Variants in DOK3 observed in about 807,000 individuals in gnomAD.
DOK3 encodes docking protein 3, also known as Dok-like protein.
Under a neutral mutation model 26.2 loss-of-function variants are expected in DOK3, and 23 were observed. That is an observed-to-expected ratio of 0.88 (90% CI 0.63 to 1.24). The LOEUF (loss-of-function observed/expected upper bound fraction) is 1.24. Among genes scored for constraint, DOK3 ranks in the 50% most tolerant of loss-of-function variants. The pLI, the probability that DOK3 is intolerant of heterozygous loss-of-function variation, is 0.00. For missense variants in DOK3, 619 were observed against 610.6 expected (o/e 1.01, Z -0.15); for synonymous variants, 268 against 268.2 (o/e 1.00, Z 0.01).
Position 177,508,380 on chromosome 5 carries a change from A to G in DOK3, c.229T>C (p.Cys77Arg). ...CCGTCAGCCGGCAGCACGGACACAC[A>G]GTCAGCCAGGCGGATGACCCGTCGC... The part of the protein sequence containing the change: ...GERRVIRLAD[C>R]VSVLPADGES... The change falls in exon 3 of 6, where the codon TGT (cysteine) becomes CGT (arginine). Residue 77 changes from cysteine (C) to arginine (R), a missense_variant. Cys to Arg is a radical substitution (Grantham distance 180). Transcript: ENST00000510898. The G allele has an allele frequency of 6.2e-7, 1 of 1,603,236 alleles. No individual in the cohort carries two copies. The highest frequency in any genetic ancestry group is 8.5e-7 in the Non-Finnish European group (1 of 1,179,214).
intron 3 of DOK3, among the ~76,000 whole-genome samples, chr5:177,505,766 C>T (rs1760056350): frequency 6.6e-6 from 1 of 152,086 alleles, no homozygotes; most frequent in Non-Finnish European, 1.5e-5. Flanking sequence ...GATGGAGTCT[C>T]ACTCTTGTCG....
chr5:177,507,016 GTGCACTGTT>G (rs1760279347), intron 3 of DOK3, among the ~76,000 whole-genome samples: 1 of 152,070 alleles, frequency 6.6e-6, no homozygotes, highest in African/African-American at 2.4e-5. Flanking sequence ...TCACAAGGCT[GTGCACTGTT>G]GCCACTGTCT....
In DOK3 at chr5:177,503,991, G is replaced by C. The variant is rs1182967342; in HGVS notation, c.1315C>G (p.Arg439Gly). 6.5e-7 allele frequency: 1 copy of C among 1,548,646 alleles called. No individual in the cohort carries two copies. The highest frequency in any genetic ancestry group is 1.2e-5 in the South Asian group (1 of 84,278). Reference sequence around the variant, plus strand: ...ACCACTCTGCTGGGCGTTCAGGGCCGGTCACAAGGGGCTGGGCCCTTCCTC... The same window carrying C: ...ACCACTCTGCTGGGCGTTCAGGGCCCGTCACAAGGGGCTGGGCCCTTCCTC... ...ERRKGPAPCDRP is the reference protein window; with the variant it reads ...ERRKGPAPCDGP The change falls in exon 6 of 6, where the codon CGG becomes GGG. Residue 439 changes from arginine (R) to glycine (G), a missense_variant. By Grantham distance (125) the Arg-to-Gly change is moderately radical. Transcript: ENST00000510898.
In DOK3 at chr5:177,508,238, G is replaced by T; in HGVS notation, c.371C>A (p.Pro124Gln). Reference sequence around the variant, plus strand: ...CGCCCCCCTGCTCGCCGCACTCACCGGGAAGGCCAGCTGGCAGATGGGGCC... The same window carrying T: ...CGCCCCCCTGCTCGCCGCACTCACCTGGAAGGCCAGCTGGCAGATGGGGCC... ...WMGPICQLAF[P>Q]GTGEASSGST... is the part of the protein sequence containing the mutation. Residue 124 changes from proline to glutamine, a missense_variant and splice_region_variant, in exon 3 of 6, where the codon CCG becomes CAG. Transcript: ENST00000510898. 6.7e-7 allele frequency: 1 copy of T among 1,493,018 alleles called. No individual in the cohort carries two copies. The allele number at this position is 1,493,018 out of a possible 1,614,324, so 92.5% of individuals were successfully genotyped here.
chr5:177,504,389 G>A lies in DOK3; in HGVS notation c.917C>T (p.Pro306Leu), dbSNP rs1347170201. 1 of 1,566,214 alleles carries A rather than the reference G, an allele frequency of 6.4e-7. No homozygotes were observed. The highest frequency in any genetic ancestry group is 8.7e-7 in the Non-Finnish European group (1 of 1,155,570). The change falls in exon 6 of 6, where the codon CCC becomes CTC. Residue 306 changes from proline to leucine, a missense_variant. Pro to Leu is a moderately conservative substitution (Grantham distance 98). Coordinates refer to ENST00000510898, the MANE Select transcript of DOK3 (RefSeq NM_001308236.3). ...GCCTAGCAGTAGCGGCAGGCTCTGGGGTCCGGGCTCGGCCAGGTGCATTTT... is the reference window on the plus strand; with the variant it reads ...GCCTAGCAGTAGCGGCAGGCTCTGGAGTCCGGGCTCGGCCAGGTGCATTTT... ...SRKMHLAEPGPQSLPLLLGPE... is the reference protein window; with the variant it reads ...SRKMHLAEPGLQSLPLLLGPE...
At chr5:177,509,873 TCCCGC>T, upstream of DOK3, 3 of 1,608,642 alleles carry the variant, frequency 1.9e-6, no homozygotes, top group Non-Finnish European at 2.5e-6. Flanking sequence ...CCCTCCCCCG[TCCCGC>T]CCCGGGCAGC....
intron 3 of DOK3, among the ~76,000 whole-genome samples, chr5:177,507,188 CTT>C (rs1191753802): frequency 6.9e-6 from 1 of 144,620 alleles, no homozygotes. Flanking sequence ...TTCTTCTTTT[CTT>C]TTTTTTTTTT....
chr5:177,503,318 G>A lies in DOK3; in HGVS notation c.*665C>T. ...AGGCACGCAGCAAACTCTCATCAAG[G>A]ATTATGCCTGATACGTCATCGGTTC... On this transcript the variant is annotated 3_prime_UTR_variant, in exon 6 of 6. Coordinates refer to ENST00000510898, the MANE Select transcript of DOK3 (RefSeq NM_001308236.3). The A allele has an allele frequency of 2.6e-6, 4 of 1,551,258 alleles. No individual in the cohort carries two copies. The highest frequency in any genetic ancestry group is 3.5e-6 in the Non-Finnish European group (4 of 1,146,548).
At position 177,504,016 on chromosome 5, in the gene DOK3, C is replaced by T. The variant is rs780247833; in HGVS notation, c.1290G>A (p.Arg430=). ...AKLVTLLSRE[R]RKGPAPCDRP ...GGTCACAAGGGGCTGGGCCCTTCCT[C>T]CGCTCACGACTCAGCAGGGTCACCA... Residue 430 remains arginine, a synonymous_variant, in exon 6 of 6, where the codon CGG becomes CGA. Coordinates refer to ENST00000510898, the MANE Select transcript of DOK3 (RefSeq NM_001308236.3). 19 of 1,568,008 alleles carry T rather than the reference C, an allele frequency of 1.2e-5. No individual in the cohort carries two copies. Among genetic ancestry groups the T allele is most frequent in the Non-Finnish European group, 1.6e-5 (19 of 1,156,818 alleles).
At chr5:177,505,381 T>C (rs1759981401) in intron 3 of DOK3, among the ~76,000 whole-genome samples, 1 of 152,144 alleles carries the variant, frequency 6.6e-6, no homozygotes, top group African/African-American at 2.4e-5. Flanking sequence ...GGATGTCCCT[T>C]GCAGCCCCTG....
At chr5:177,509,454 C>T in intron 2 of DOK3, 21 bp downstream of exon 2, 1 of 1,596,088 alleles carries the variant, frequency 6.3e-7, no homozygotes. Flanking sequence ...TGGCAGCTGC[C>T]TGGCAGCCAG....
chr5:177,503,279 G>A lies in DOK3; in HGVS notation c.*704C>T, dbSNP rs116263149. 2,261 of 1,550,376 alleles carry A rather than the reference G, an allele frequency of 1.5e-3. 24 individuals are homozygous for A. The African/African-American group carries it at 0.027, about 18-fold the overall frequency. Reference sequence around the variant, plus strand: ...CCTGAACACGGCTGTGTCCCCCAGCGCCTGGCACTGAGTAGGCACGCAGCA... The same window carrying A: ...CCTGAACACGGCTGTGTCCCCCAGCACCTGGCACTGAGTAGGCACGCAGCA... On this transcript the variant is annotated 3_prime_UTR_variant, in exon 6 of 6. Coordinates refer to ENST00000510898, the MANE Select transcript of DOK3 (RefSeq NM_001308236.3).
chr5:177,504,502 G>T lies in DOK3; in HGVS notation c.804C>A (p.Pro268=). 6.3e-7 allele frequency: 1 copy of T among 1,585,164 alleles called. No homozygotes were observed. The part of the protein sequence containing the change: ...LPELTRPQPC[P]LPRATSLPSL... ...AGGGCAGAGAGGTGGCCCGTGGCAG[G>T]GGGCAGGGCTGGGGCCTGGTCAGCT... The change falls in exon 6 of 6, where the codon CCC becomes CCA. Residue 268 remains proline (P), a synonymous_variant. Transcript: ENST00000510898.
In DOK3 at chr5:177,504,238, A is replaced by C; in HGVS notation, c.1068T>G (p.Gly356=). Residue 356 remains glycine (G), a synonymous_variant, in exon 6 of 6, where the codon GGT becomes GGG. Coordinates refer to ENST00000510898, the MANE Select transcript of DOK3 (RefSeq NM_001308236.3). ...CVLEASPTLH[G]GEPEPHEGPG... is the part of the protein sequence containing the mutation. The stretch of plus-strand genomic sequence containing the variant: ...GGCCCTCGTGCGGCTCAGGTTCCCC[A>C]CCGTGCAGCGTGGGGCTGGCCTCCA... The C allele has an allele frequency of 6.2e-7, 1 of 1,611,288 alleles. No homozygotes were observed. Among genetic ancestry groups the C allele is most frequent in the Non-Finnish European group, 8.5e-7 (1 of 1,178,864 alleles).
At position 177,508,509 on chromosome 5, in the gene DOK3, C is replaced by T; in HGVS notation, c.100G>A (p.Ala34Thr). 1.3e-6 allele frequency: 2 copies of T among 1,579,982 alleles called. No homozygotes were observed. Among genetic ancestry groups the T allele is most frequent in the Non-Finnish European group, 1.7e-6 (2 of 1,161,720 alleles). ...CWRKVWALLYAGGPSGVARLE... is the reference protein window; with the variant it reads ...CWRKVWALLYTGGPSGVARLE... The stretch of plus-strand genomic sequence containing the variant: ...CGTGCCACGCCTGATGGGCCTCCTG[C>T]ATACAGCAGAGCCCACACCTTCCGC... The change falls in exon 3 of 6, where the codon GCA becomes ACA. Residue 34 changes from alanine to threonine, a missense_variant. Coordinates refer to ENST00000510898, the MANE Select transcript of DOK3 (RefSeq NM_001308236.3).
chr5:177,503,061 G>T lies in DOK3; in HGVS notation c.*922C>A, dbSNP rs1240480940. ...AAATGAGGTTCAGGATGTGCCAAGG[G>T]TGTGTGCAGCTGAGGTGGAGTTGCG... is the stretch of plus-strand genomic sequence containing the variant. On this transcript the variant is annotated 3_prime_UTR_variant, in exon 6 of 6. Transcript: ENST00000510898. 2 of 1,541,268 alleles carry T rather than the reference G, an allele frequency of 1.3e-6. No individual in the cohort carries two copies. Among genetic ancestry groups the T allele is most frequent in the Admixed American group, 3.9e-5 (2 of 50,670 alleles).
intron 3 of DOK3, among the ~76,000 whole-genome samples, chr5:177,507,539 C>G (rs775675959): frequency 1.3e-5 from 2 of 152,020 alleles, no homozygotes; most frequent in Admixed American, 1.3e-4. Flanking sequence ...ACTGCAGCCT[C>G]GACCTCTGGG....
At chr5:177,507,965 G>C (rs1164752851) in intron 3 of DOK3, among the ~76,000 whole-genome samples, 1 of 152,228 alleles carries the variant, frequency 6.6e-6, no homozygotes, top group African/African-American at 2.4e-5. Flanking sequence ...CCTGTCCTCA[G>C]ACCTTTGCCC....
intron 3 of DOK3, among the ~76,000 whole-genome samples, chr5:177,505,915 T>A (rs1217935024): frequency 1.3e-5 from 2 of 151,930 alleles, no homozygotes; most frequent in African/African-American, 4.8e-5. Context: ...TTTTTTTGTA[T>A]TTTTAGTAGA....
Sources: allele counts gnomAD v4.1 joint callset (sites outside exome capture counted in the v4.1 genomes callset), GRCh38; gene constraint gnomAD v4.1.1; transcripts MANE v1.5; gene names NCBI Gene and HGNC (gene_info 2026-07-23, HGNC 2026-07-21).